The following NDUFAF2 variants were observed in gnomAD, a reference collection of about 807,000 sequenced individuals.
NDUFAF2 encodes NADH:ubiquinone oxidoreductase complex assembly factor 2.
A neutral mutation model predicts 22.8 loss-of-function variants in NDUFAF2; 13 were observed. The observed-to-expected ratio is 0.57, with a 90% CI of 0.37 to 0.91. The LOEUF is 0.91. Among genes scored for constraint, NDUFAF2 ranks in the 40% least tolerant of loss-of-function variants. NDUFAF2 has a pLI of 0.01. For synonymous variants in NDUFAF2, 53 were observed against 64.2 expected (o/e 0.83, Z 0.84); for missense variants, 162 against 195.2 (o/e 0.83, Z 1.01).
chr5:61,140,654 T>G (rs1382543836), intron 3 of NDUFAF2, among the ~76,000 whole-genome samples: 1 of 152,248 alleles, frequency 6.6e-6, no homozygotes, highest in Non-Finnish European at 1.5e-5. Flanking sequence ...GAAATCTTGC[T>G]CTTCCTTCAG....
chr5:61,009,014 G>A (rs773992829), intron 1 of NDUFAF2, among the ~76,000 whole-genome samples: 6 of 151,884 alleles, frequency 4.0e-5, no homozygotes, highest in Admixed American at 2.0e-4. Context: ...ATCATTTCTA[G>A]GGGGCATGTA....
chr5:60,951,271 T>A (rs777379683), intron 1 of NDUFAF2, among the ~76,000 whole-genome samples: 9 of 152,188 alleles, frequency 5.9e-5, no homozygotes, highest in Non-Finnish European at 1.2e-4. Context: ...CCTCAGATGA[T>A]CTGCCTGCCT....
At chr5:61,004,576 A>G (rs1290128381) in intron 1 of NDUFAF2, among the ~76,000 whole-genome samples, 1 of 152,132 alleles carries the variant, frequency 6.6e-6, no homozygotes, top group Non-Finnish European at 1.5e-5. Context: ...GAAAATATGT[A>G]TATTTGTATA....
chr5:61,021,965 T>C (rs1679767312), intron 1 of NDUFAF2, among the ~76,000 whole-genome samples: 1 of 152,212 alleles, frequency 6.6e-6, no homozygotes, highest in Non-Finnish European at 1.5e-5. Context: ...AAAGATATTA[T>C]GTTGGCAAAA....
intron 1 of NDUFAF2, among the ~76,000 whole-genome samples, chr5:61,017,429 C>G (rs1751526392): frequency 6.6e-6 from 1 of 151,606 alleles, no homozygotes; most frequent in Non-Finnish European, 1.5e-5. Context: ...AATTAGATAA[C>G]TTTGTAGAAT....
At chr5:61,052,550 T>A (rs932608406) in intron 1 of NDUFAF2, among the ~76,000 whole-genome samples, 3 of 152,146 alleles carry the variant, frequency 2.0e-5, no homozygotes, top group Non-Finnish European at 4.4e-5. Flanking sequence ...GACCTCGTGA[T>A]CCGCCCGCCT....
rs1351820631 is a variant in NDUFAF2 at position 61,107,032 on chromosome 5, C to T, written c.258+8000C>T. 2.7e-5 allele frequency among the ~76,000 whole-genome samples: 3 copies of T among 109,212 alleles called. 1 individual carries two copies. The highest frequency in any genetic ancestry group is 9.8e-5 in the African/African-American group (3 of 30,766). The allele number at this position is 109,212 out of a possible 152,430, so 71.6% of individuals were successfully genotyped here. ...TCTCTTCGATATTCTGATTTCCTTT[C>T]CTTTGGATAAATATACACACACACA... is the stretch of plus-strand genomic sequence containing the variant. On this transcript the variant is annotated intron_variant, in intron 3 of 3. Transcript: ENST00000296597.
chr5:61,119,560 A>G (rs1344398935), intron 3 of NDUFAF2, among the ~76,000 whole-genome samples: 1 of 152,216 alleles, frequency 6.6e-6, no homozygotes, highest in Non-Finnish European at 1.5e-5. Flanking sequence ...GAAAGGATAT[A>G]TCCTGAGCTT....
intron 3 of NDUFAF2, among the ~76,000 whole-genome samples, chr5:61,111,291 C>T (rs1036253693): frequency 3.9e-5 from 6 of 152,164 alleles, no homozygotes. Flanking sequence ...CATTCTGCAG[C>T]TGTTTGATGA....
chr5:61,056,922 AT>A (rs757966157), intron 1 of NDUFAF2, among the ~76,000 whole-genome samples: 3,497 of 42,522 alleles, frequency 0.082, 216 homozygotes, highest in Non-Finnish European at 0.11. Flanking sequence ...AAAAAAAAAT[AT>A]ATATATATAT....
chr5:61,069,769 T>G (rs1322348548), intron 1 of NDUFAF2, among the ~76,000 whole-genome samples: 1 of 152,142 alleles, frequency 6.6e-6, no homozygotes, highest in African/African-American at 2.4e-5. Context: ...ATCTCACCTT[T>G]TATTATGTTT....
At chr5:60,974,298 G>A (rs1223593419) in intron 1 of NDUFAF2, among the ~76,000 whole-genome samples, 2 of 152,132 alleles carry the variant, frequency 1.3e-5, no homozygotes, top group Non-Finnish European at 2.9e-5. Context: ...TTGGATTCTT[G>A]GACTTACACC....
chr5:61,032,113 A>G (rs955580114), intron 1 of NDUFAF2, among the ~76,000 whole-genome samples: 2 of 151,996 alleles, frequency 1.3e-5, no homozygotes, highest in Non-Finnish European at 2.9e-5. Flanking sequence ...TTCCTTGTAG[A>G]TTCTGGTTAT....
At chr5:60,997,456 A>G (rs1751242508) in intron 1 of NDUFAF2, among the ~76,000 whole-genome samples, 1 of 152,212 alleles carries the variant, frequency 6.6e-6, no homozygotes, top group African/African-American at 2.4e-5. Context: ...AGTCACCCAT[A>G]TAAGGGATTG....
chr5:61,005,637 G>A (rs1021070204), intron 1 of NDUFAF2, among the ~76,000 whole-genome samples: 1 of 152,154 alleles, frequency 6.6e-6, no homozygotes, highest in African/African-American at 2.4e-5. Flanking sequence ...ATTCTAACTG[G>A]TGTGAGATGG....
intron 3 of NDUFAF2, among the ~76,000 whole-genome samples, chr5:61,141,674 A>G (rs910131012): frequency 1.4e-4 from 22 of 152,078 alleles, no homozygotes; most frequent in African/African-American, 4.6e-4. Flanking sequence ...AAATGAATGA[A>G]TGAATGAATG....
intron 3 of NDUFAF2, among the ~76,000 whole-genome samples, chr5:61,140,839 A>G (rs1445962205): frequency 6.6e-6 from 1 of 152,176 alleles, no homozygotes; most frequent in African/African-American, 2.4e-5. Flanking sequence ...TTTTCCTAGA[A>G]TGCCCCTCTC....
At chr5:61,089,029 A>G (rs1192034284) in intron 2 of NDUFAF2, among the ~76,000 whole-genome samples, 1 of 152,078 alleles carries the variant, frequency 6.6e-6, no homozygotes, top group African/African-American at 2.4e-5. Context: ...TGTACTTGCC[A>G]TTTTTAGCAC....
At position 61,107,497 on chromosome 5, in the gene NDUFAF2, T is replaced by C. The variant is rs1188736606; in HGVS notation, c.258+8465T>C. On this transcript the variant is annotated intron_variant, in intron 3 of 3. Transcript: ENST00000296597. ...TATTCTGATTATTAATCCCTTATCA[T>C]ATGGGTAGTTTGCAAATATGTTCTC... 2.0e-5 allele frequency among the ~76,000 whole-genome samples: 3 copies of C among 151,444 alleles called. No individual in the cohort carries two copies. In the East Asian group the frequency reaches 5.8e-4, roughly 29 times the overall value.
Sources: allele counts gnomAD v4.1 joint callset (sites outside exome capture counted in the v4.1 genomes callset), GRCh38; gene constraint gnomAD v4.1.1; transcripts MANE v1.5; gene names NCBI Gene and HGNC (gene_info 2026-07-23, HGNC 2026-07-21).